Variants in CCDC102B observed in about 807,000 individuals in gnomAD.
The protein encoded by CCDC102B is coiled-coil domain containing 102B.
In CCDC102B, 75 loss-of-function variants were observed where a neutral mutation model predicts 57.4. The observed-to-expected ratio is 1.31, with a 90% CI of 1.08 to 1.58. CCDC102B has a LOEUF of 1.58. Among genes scored for constraint, CCDC102B ranks in the 40% most tolerant of loss-of-function variants. CCDC102B has a pLI of 0.00. For synonymous variants in CCDC102B, 206 were observed against 201.9 expected (o/e 1.02, Z -0.17); for missense variants, 636 against 582.6 (o/e 1.09, Z -0.94).
chr18:68,757,673 G>C lies in CCDC102B; in HGVS notation c.-67+41079G>C, dbSNP rs992340066. Among the ~76,000 whole-genome samples, 6 of 151,876 alleles carry C rather than the reference G, an allele frequency of 4.0e-5. 1 individual carries two copies. The South Asian group carries it at 1.0e-3, about 26-fold the overall frequency. On this transcript the variant is annotated intron_variant, in intron 2 of 3. Transcript: ENST00000578970. ...TTCCTCACACATTAAACATTACATA[G>C]TATTTAAGATTTTAAAGAAAAAAAT...
At chr18:68,893,579 A>G (rs530322393) in intron 5 of CCDC102B, among the ~76,000 whole-genome samples, 31 of 152,192 alleles carry the variant, frequency 2.0e-4, no homozygotes, top group African/African-American at 7.5e-4. Flanking sequence ...CTTTCACTTA[A>G]CAGTTATTTA....
chr18:68,866,832 C>T (rs1202158517), intron 4 of CCDC102B: 7 of 693,332 alleles, frequency 1.0e-5, no homozygotes, highest in Non-Finnish European at 1.9e-5. Context: ...TTGTGAAGTC[C>T]CTGTGTCTGG....
At chr18:68,912,101 A>T (rs1193435291) in intron 6 of CCDC102B, among the ~76,000 whole-genome samples, 5 of 152,118 alleles carry the variant, frequency 3.3e-5, no homozygotes, top group Non-Finnish European at 7.4e-5. Context: ...CATTTGTCTG[A>T]CTTGTTGATA....
At chr18:68,857,348 T>C (rs1253822605) in intron 4 of CCDC102B, among the ~76,000 whole-genome samples, 1 of 99,824 alleles carries the variant, frequency 1.0e-5, no homozygotes, top group East Asian at 2.5e-4. Context: ...ATTTATATAT[T>C]ATAAATATAT....
At chr18:69,019,176 T>C (rs1267762325) in intron 7 of CCDC102B, among the ~76,000 whole-genome samples, 1 of 152,162 alleles carries the variant, frequency 6.6e-6, no homozygotes, top group African/African-American at 2.4e-5. Flanking sequence ...AAAATTTCTT[T>C]TTAAGACTAC....
intron 1 of CCDC102B, among the ~76,000 whole-genome samples, chr18:68,806,020 CAAAG>C (rs1267773843): frequency 1.3e-5 from 2 of 152,002 alleles, no homozygotes; most frequent in African/African-American, 4.8e-5. Context: ...CAAAGCAAGA[CAAAG>C]AAGCCTTCAA....
intron 5 of CCDC102B, among the ~76,000 whole-genome samples, chr18:68,888,025 G>A (rs972065334): frequency 2.0e-5 from 3 of 152,162 alleles, no homozygotes; most frequent in Non-Finnish European, 2.9e-5. Flanking sequence ...CACACATTAA[G>A]ACAGGTATCA....
intron 1 of CCDC102B, among the ~76,000 whole-genome samples, chr18:68,822,025 A>C (rs1455464687): frequency 6.6e-6 from 1 of 152,166 alleles, no homozygotes; most frequent in East Asian, 1.9e-4. Flanking sequence ...AGCTTGTAAA[A>C]TTATAAATTG....
intron 6 of CCDC102B, among the ~76,000 whole-genome samples, chr18:68,964,964 A>G (rs1297936620): frequency 6.6e-6 from 1 of 151,774 alleles, no homozygotes; most frequent in Non-Finnish European, 1.5e-5. Flanking sequence ...TTGAATTACT[A>G]TTTCCCTATA....
chr18:69,016,262 C>G (rs760663622), intron 7 of CCDC102B, among the ~76,000 whole-genome samples: 10 of 152,072 alleles, frequency 6.6e-5, no homozygotes, highest in Admixed American at 6.6e-4. Context: ...ATGCAAAACA[C>G]CAGCCTGATA....
chr18:68,951,300 C>T (rs976868362), intron 6 of CCDC102B, among the ~76,000 whole-genome samples: 6 of 152,014 alleles, frequency 3.9e-5, no homozygotes, highest in South Asian at 2.1e-4. Flanking sequence ...TTGAAGATTC[C>T]GAGTCCATCT....
At chr18:68,924,628 C>A (rs982150483) in intron 6 of CCDC102B, among the ~76,000 whole-genome samples, 1 of 152,026 alleles carries the variant, frequency 6.6e-6, no homozygotes, top group African/African-American at 2.4e-5. Context: ...CATTGAAATC[C>A]TCTGGATGCT....
chr18:68,861,234 G>GT (rs1024305307), intron 4 of CCDC102B, among the ~76,000 whole-genome samples: 4 of 151,522 alleles, frequency 2.6e-5, no homozygotes, highest in African/African-American at 7.3e-5. Context: ...GAACATTATG[G>GT]TTTTTTTGAC....
chr18:68,849,760 C>G (rs1194069764), intron 4 of CCDC102B, among the ~76,000 whole-genome samples: 4 of 152,070 alleles, frequency 2.6e-5, no homozygotes, highest in Admixed American at 1.3e-4. Flanking sequence ...GCACGCTTTC[C>G]TACCCTAACT....
intron 7 of CCDC102B, among the ~76,000 whole-genome samples, chr18:69,017,072 A>G (rs2051689124): frequency 6.6e-6 from 1 of 151,844 alleles, no homozygotes; most frequent in African/African-American, 2.4e-5. Flanking sequence ...TATTAATAAG[A>G]TTTACTTTTA....
chr18:69,022,834 G>A (rs118072382), intron 7 of CCDC102B, among the ~76,000 whole-genome samples: 4,488 of 151,152 alleles, frequency 0.03, 146 homozygotes, highest in East Asian at 0.16. Context: ...GCCCCATATT[G>A]CAGGGAAATT....
chr18:68,843,419 A>G (rs2037722519), intron 3 of CCDC102B, among the ~76,000 whole-genome samples: 1 of 152,066 alleles, frequency 6.6e-6, no homozygotes, highest in East Asian at 1.9e-4. Flanking sequence ...AATTTTTAGG[A>G]CCTTTCATCT....
chr18:69,019,681 A>G (rs1379010016), intron 7 of CCDC102B, among the ~76,000 whole-genome samples: 1 of 152,062 alleles, frequency 6.6e-6, no homozygotes, highest in East Asian at 1.9e-4. Flanking sequence ...ACAGAGATAC[A>G]CTTACTTCTT....
At chr18:68,879,162 C>T (rs1243172965) in intron 5 of CCDC102B, among the ~76,000 whole-genome samples, 1 of 151,820 alleles carries the variant, frequency 6.6e-6, no homozygotes, top group Non-Finnish European at 1.5e-5. Flanking sequence ...TGCAGATCTT[C>T]GCGGCGAGTG....
Sources: gnomAD v4.1 joint callset for allele counts (sites outside exome capture counted in the v4.1 genomes callset) on GRCh38, gnomAD v4.1.1 for gene constraint, MANE v1.5 for transcripts, NCBI Gene and HGNC (gene_info 2026-07-23, HGNC 2026-07-21) for gene names.